The following SDK1 variants were observed in gnomAD, a reference collection of about 807,000 sequenced individuals.
The protein encoded by SDK1 is protein sidekick-1.
In SDK1, 157 loss-of-function variants were observed where a neutral mutation model predicts 245.5. That is an observed-to-expected ratio of 0.64 (90% confidence interval 0.56 to 0.73). SDK1 has a LOEUF of 0.73. Among genes scored for constraint, SDK1 ranks in the 30% least tolerant of loss-of-function variants. The pLI, the probability that SDK1 is intolerant of heterozygous loss-of-function variation, is 0.00. For synonymous variants in SDK1, 1,647 were observed against 1,278.5 expected (o/e 1.29, Z -6.15); for missense variants, 3,583 against 3,002.3 (o/e 1.19, Z -4.52).
At chr7:4,160,294 A>C (rs1396814306) in intron 31 of SDK1, among the ~76,000 whole-genome samples, 1 of 152,224 alleles carries the variant, frequency 6.6e-6, no homozygotes, top group Non-Finnish European at 1.5e-5. Context: ...CATTGTCGTA[A>C]TCTCTCTGAC....
At chr7:3,305,684 G>C (rs946930597) in intron 1 of SDK1, among the ~76,000 whole-genome samples, 1 of 152,184 alleles carries the variant, frequency 6.6e-6, no homozygotes, top group Non-Finnish European at 1.5e-5. Context: ...TGCTTAGTGA[G>C]TGCTCAGATA....
intron 2 of SDK1, among the ~76,000 whole-genome samples, chr7:3,623,526 C>T (rs1274945270): frequency 4.6e-5 from 7 of 152,092 alleles, no homozygotes; most frequent in Non-Finnish European, 1.0e-4. Flanking sequence ...CAGGTGTGAG[C>T]CGCTGCACCC....
intron 13 of SDK1, 105 bp downstream of exon 13, chr7:3,974,650 A>T: frequency 9.1e-7 from 1 of 1,093,408 alleles, no homozygotes. Flanking sequence ...CTTGTGTCCC[A>T]AGTCAGCGGT....
intron 13 of SDK1, among the ~76,000 whole-genome samples, chr7:3,983,246 C>G (rs964551707): frequency 1.3e-5 from 2 of 152,208 alleles, no homozygotes; most frequent in Admixed American, 6.5e-5. Context: ...GAAAGAAGTT[C>G]TACTGTGGGT....
chr7:3,378,630 A>G (rs1158221157), intron 1 of SDK1, among the ~76,000 whole-genome samples: 1 of 151,862 alleles, frequency 6.6e-6, no homozygotes, highest in South Asian at 2.1e-4. Flanking sequence ...GCCCTCTTTC[A>G]TGCTGTTTGT....
intron 1 of SDK1, among the ~76,000 whole-genome samples, chr7:3,478,782 C>T (rs1172377809): frequency 6.6e-6 from 1 of 151,952 alleles, no homozygotes; most frequent in Non-Finnish European, 1.5e-5. Flanking sequence ...GAATTTGATG[C>T]TTAGCTTGTT....
At chr7:3,430,718 G>T (rs1280294251) in intron 1 of SDK1, among the ~76,000 whole-genome samples, 2 of 152,190 alleles carry the variant, frequency 1.3e-5, no homozygotes, top group Non-Finnish European at 2.9e-5. Context: ...TCCGTGGCTT[G>T]TTAGGAATCT....
chr7:3,355,473 C>G (rs901221378), intron 1 of SDK1, among the ~76,000 whole-genome samples: 10 of 152,328 alleles, frequency 6.6e-5, no homozygotes, highest in South Asian at 2.1e-4. Flanking sequence ...GCCTGAGCCA[C>G]TGGGCCTGGC....
At chr7:3,363,537 C>T (rs1781008924) in intron 1 of SDK1, among the ~76,000 whole-genome samples, 1 of 152,074 alleles carries the variant, frequency 6.6e-6, no homozygotes, top group Non-Finnish European at 1.5e-5. Context: ...ACAGCGGCCC[C>T]CAACCTTTTT....
At chr7:4,009,376 G>T (rs546381128) in intron 14 of SDK1, among the ~76,000 whole-genome samples, 10 of 152,328 alleles carry the variant, frequency 6.6e-5, no homozygotes, top group African/African-American at 2.4e-4. Context: ...ACAAATGGCT[G>T]TTTTCTGTAA....
At chr7:3,529,956 C>A (rs994511504) in intron 1 of SDK1, among the ~76,000 whole-genome samples, 1 of 151,996 alleles carries the variant, frequency 6.6e-6, no homozygotes, top group East Asian at 1.9e-4. Context: ...AGGGACAGGC[C>A]TGAACTCTTA....
At chr7:3,860,172 A>T (rs541360208) in intron 5 of SDK1, among the ~76,000 whole-genome samples, 1 of 152,264 alleles carries the variant, frequency 6.6e-6, no homozygotes, top group Admixed American at 6.5e-5. Flanking sequence ...CGCCTGCCTC[A>T]GCCTCCCAGA....
intron 40 of SDK1, chr7:4,227,505 T>C (rs541221990): frequency 1.7e-5 from 8 of 462,802 alleles, no homozygotes; most frequent in South Asian, 1.1e-4. Flanking sequence ...TAACCTGGAT[T>C]GGCCATTCAT....
At chr7:4,258,885 C>A (rs1787791388) in intron 44 of SDK1, among the ~76,000 whole-genome samples, 1 of 152,170 alleles carries the variant, frequency 6.6e-6, no homozygotes, top group African/African-American at 2.4e-5. Context: ...TTCTGTCATT[C>A]GTTCCTAAAT....
intron 42 of SDK1, among the ~76,000 whole-genome samples, chr7:4,239,371 G>A (rs1487639681): frequency 3.3e-5 from 5 of 152,200 alleles, no homozygotes; most frequent in African/African-American, 7.2e-5. Flanking sequence ...GTCTCTCTAC[G>A]TGGACGGTAG....
At chr7:4,016,222 G>A (rs909246656) in intron 16 of SDK1, among the ~76,000 whole-genome samples, 3 of 152,232 alleles carry the variant, frequency 2.0e-5, no homozygotes, top group Admixed American at 6.5e-5. Context: ...TCCACATGCC[G>A]TGAAAAGCCA....
intron 5 of SDK1, among the ~76,000 whole-genome samples, chr7:3,840,413 C>G (rs902972688): frequency 6.6e-6 from 1 of 152,126 alleles, no homozygotes; most frequent in African/African-American, 2.4e-5. Flanking sequence ...TGGGTCAGGA[C>G]TTTGTTTTAG....
At chr7:4,136,197 A>C (rs1479612701) in intron 28 of SDK1, among the ~76,000 whole-genome samples, 1 of 152,180 alleles carries the variant, frequency 6.6e-6, no homozygotes, top group East Asian at 1.9e-4. Context: ...CTCCTCTGTC[A>C]TGCAGCATTG....
At chr7:4,262,711 C>A (rs1455789411) in intron 44 of SDK1, among the ~76,000 whole-genome samples, 1 of 134,640 alleles carries the variant, frequency 7.4e-6, no homozygotes, top group Non-Finnish European at 1.6e-5. Context: ...CTCATCACCT[C>A]CCCCATCCCC....
Sources: allele counts gnomAD v4.1 joint callset (sites outside exome capture counted in the v4.1 genomes callset), GRCh38; gene constraint gnomAD v4.1.1; transcripts MANE v1.5; gene names NCBI Gene and HGNC (gene_info 2026-07-23, HGNC 2026-07-21).